The following SPDYA variants were observed in gnomAD, a reference collection of about 807,000 sequenced individuals.
The protein encoded by SPDYA is speedy/RINGO cell cycle regulator family member A, also known as speedy protein A.
SPDYA carries 11 observed loss-of-function variants against 36.7 expected under a neutral mutation model. The observed-to-expected ratio is 0.30, with a 90% CI of 0.19 to 0.50. The LOEUF (loss-of-function observed/expected upper bound fraction) is 0.50. Among genes scored for constraint, SPDYA ranks in the 20% least tolerant of loss-of-function variants. SPDYA has a pLI of 0.98. For synonymous variants in SPDYA, 115 were observed against 118.7 expected (o/e 0.97, Z 0.20); for missense variants, 287 against 370.9 (o/e 0.77, Z 1.86).
At chr2:28,821,466 G>T (rs956181956) in intron 4 of SPDYA, among the ~76,000 whole-genome samples, 2 of 152,092 alleles carry the variant, frequency 1.3e-5, no homozygotes, top group Non-Finnish European at 2.9e-5. Flanking sequence ...CTCCCAAAGT[G>T]CTGGGATTAC....
intron 1 of SPDYA, among the ~76,000 whole-genome samples, chr2:28,813,553 A>AT (rs780151995): frequency 0.025 from 3,558 of 141,602 alleles, 57 homozygotes; most frequent in African/African-American, 0.033. Flanking sequence ...TTCTATCTAG[A>AT]TTTTTTTTTT....
chr2:28,816,358 TA>T, intron 3 of SPDYA, 109 bp downstream of exon 3: 1 of 883,354 alleles, frequency 1.1e-6, no homozygotes, highest in Non-Finnish European at 1.6e-6. Flanking sequence ...ATTTTTGTAT[TA>T]AATTTCCCAT....
intron 3 of SPDYA, among the ~76,000 whole-genome samples, chr2:28,818,375 C>T (rs1054990500): frequency 6.7e-6 from 1 of 148,604 alleles, no homozygotes; most frequent in African/African-American, 2.5e-5. Context: ...AGTCTGAAGC[C>T]AGAGGATCAC....
intron 1 of SPDYA, among the ~76,000 whole-genome samples, chr2:28,813,008 A>G (rs1667891578): frequency 6.6e-6 from 1 of 152,142 alleles, no homozygotes; most frequent in East Asian, 1.9e-4. Flanking sequence ...CTCTATAAGA[A>G]CTCTCATTCT....
rs527783003 is a variant in SPDYA at position 28,813,985 on chromosome 2, A to G, written c.-92-628A>G. 1.1e-4 allele frequency among the ~76,000 whole-genome samples: 16 copies of G among 152,092 alleles called. No individual in the cohort carries two copies. The East Asian group carries it at 2.3e-3, about 22-fold the overall frequency. ...AGTCTCAAGGCTCAATTTATCACCTACTCCTCTTTCTATGGAGTTTATAAC... is the reference window on the plus strand; with the variant it reads ...AGTCTCAAGGCTCAATTTATCACCTGCTCCTCTTTCTATGGAGTTTATAAC... On this transcript the variant is annotated intron_variant, in intron 1 of 7. Coordinates refer to ENST00000334056, the MANE Select transcript of SPDYA (RefSeq NM_182756.4).
At chr2:28,813,507 A>C (rs1667903924) in intron 1 of SPDYA, among the ~76,000 whole-genome samples, 1 of 151,682 alleles carries the variant, frequency 6.6e-6, no homozygotes, top group African/African-American at 2.4e-5. Context: ...ATAACTCCAT[A>C]CTAGAATTTG....
At chr2:28,836,232 C>T (rs533677452) in intron 6 of SPDYA, among the ~76,000 whole-genome samples, 1 of 152,340 alleles carries the variant, frequency 6.6e-6, no homozygotes, top group East Asian at 1.9e-4. Flanking sequence ...AGTTGCAGAG[C>T]CAGAACATCT....
chr2:28,840,555 A>T, intron 7 of SPDYA, 86 bp downstream of exon 7: 1 of 1,508,100 alleles, frequency 6.6e-7, no homozygotes, highest in African/African-American at 1.4e-5. Flanking sequence ...GATACATAAT[A>T]ATTTATATAC....
intron 7 of SPDYA, 97 bp downstream of exon 7, chr2:28,840,566 T>C: frequency 1.4e-6 from 2 of 1,480,422 alleles, no homozygotes; most frequent in Non-Finnish European, 1.8e-6. Flanking sequence ...ATTTATATAC[T>C]CCAACAATAT....
intron 4 of SPDYA, among the ~76,000 whole-genome samples, chr2:28,821,791 T>C (rs1278347071): frequency 6.6e-6 from 1 of 152,228 alleles, no homozygotes; most frequent in Non-Finnish European, 1.5e-5. Flanking sequence ...TTTCTAATAA[T>C]ACATTTAAAA....
chr2:28,840,311 G>A lies in SPDYA; in HGVS notation c.692G>A (p.Cys231Tyr). The A allele has an allele frequency of 6.2e-7, 1 of 1,611,778 alleles. No individual in the cohort carries two copies. Among genetic ancestry groups the A allele is most frequent in the East Asian group, 2.2e-5 (1 of 44,856 alleles). Residue 231 changes from cysteine to tyrosine, a missense_variant, in exon 7 of 8, where the codon TGT (cysteine) becomes TAT (tyrosine). Coordinates refer to ENST00000334056, the MANE Select transcript of SPDYA (RefSeq NM_182756.4). ...PSATPVDCSL[C>Y]GKKRRYVRLG... Reference sequence around the variant, plus strand: ...GCCACACCAGTAGATTGTTCACTCTGTGGTAAAAAAAGAAGATATGTTAGA... The same window carrying A: ...GCCACACCAGTAGATTGTTCACTCTATGGTAAAAAAAGAAGATATGTTAGA...
At chr2:28,848,075 C>T (rs1452892964) in intron 7 of SPDYA, among the ~76,000 whole-genome samples, 1 of 152,124 alleles carries the variant, frequency 6.6e-6, no homozygotes, top group Non-Finnish European at 1.5e-5. Flanking sequence ...ATGCATTTAA[C>T]AGAATGTACT....
chr2:28,843,042 T>C (rs892734826), intron 7 of SPDYA, among the ~76,000 whole-genome samples: 2 of 152,222 alleles, frequency 1.3e-5, no homozygotes, highest in Non-Finnish European at 2.9e-5. Context: ...ATGCGAAACT[T>C]AGCATAGATG....
intron 1 of SPDYA, among the ~76,000 whole-genome samples, chr2:28,813,615 G>C (rs1337346394): frequency 6.6e-6 from 1 of 150,560 alleles, no homozygotes; most frequent in African/African-American, 2.4e-5. Flanking sequence ...GCAGTGGCAT[G>C]ATCTCGGCTC....
At position 28,811,858 on chromosome 2, in the gene SPDYA, A is replaced by G. The variant is rs2148071823; in HGVS notation, c.-93+911A>G. Among the ~76,000 whole-genome samples, 1 of 152,058 alleles carries G rather than the reference A, an allele frequency of 6.6e-6. No individual in the cohort carries two copies. The highest frequency in any genetic ancestry group is 1.9e-4 in the East Asian group (1 of 5,186). On this transcript the variant is annotated intron_variant, in intron 1 of 7. Transcript: ENST00000334056. This position sits in a 1 kb window ranked among gnomAD's most constrained non-coding sequence, Gnocchi z 4.2. ...GTAATCCCAGCTCCTCGGGAGGCTGAGGCGGGAGAATCGCTTGAACCCGGG... is the reference window on the plus strand; with the variant it reads ...GTAATCCCAGCTCCTCGGGAGGCTGGGGCGGGAGAATCGCTTGAACCCGGG...
rs1667977953 is a variant in SPDYA, at chr2:28,816,113, T to C, written c.99T>C (p.Thr33=). Residue 33 remains threonine (T), a synonymous_variant, in exon 3 of 8, where the codon ACT becomes ACC. Coordinates refer to ENST00000334056, the MANE Select transcript of SPDYA (RefSeq NM_182756.4). Reference sequence around the variant, plus strand: ...CACATCAGCCTAAAAAGCCCATTACTCTGAAGCGTCCTATTTGTAAAGATA... The same window carrying C: ...CACATCAGCCTAAAAAGCCCATTACCCTGAAGCGTCCTATTTGTAAAGATA... ...NRSHQPKKPI[T]LKRPICKDNW... is the part of the protein sequence containing the mutation. The C allele has an allele frequency of 1.9e-6, 3 of 1,614,056 alleles. No homozygotes were observed. Among genetic ancestry groups the C allele is most frequent in the Non-Finnish European group, 2.5e-6 (3 of 1,179,990 alleles).
chr2:28,844,187 ATAAGGGCTGTGC>A (rs1668817504), intron 7 of SPDYA, among the ~76,000 whole-genome samples: 1 of 152,244 alleles, frequency 6.6e-6, no homozygotes, highest in Non-Finnish European at 1.5e-5. Flanking sequence ...TAATAATGTG[ATAAGGGCTGTGC>A]TAAGTATATG....
At chr2:28,814,185 A>C (rs1667926351) in intron 1 of SPDYA, among the ~76,000 whole-genome samples, 1 of 152,226 alleles carries the variant, frequency 6.6e-6, no homozygotes, top group Admixed American at 6.5e-5. Flanking sequence ...AAACACTTGA[A>C]ACTGAATAAT....
Position 28,850,483 on chromosome 2 carries a change from T to C in SPDYA, c.*542T>C. On this transcript the variant is annotated 3_prime_UTR_variant, in exon 8 of 8. Coordinates refer to ENST00000334056, the MANE Select transcript of SPDYA (RefSeq NM_182756.4). The stretch of plus-strand genomic sequence containing the variant: ...TTTCACAAAACTGTTAAAATATGAG[T>C]TACTCTCTTTATTGTAAGTTTTTTC... 1.1e-6 allele frequency: 1 copy of C among 938,716 alleles called. No homozygotes were observed. The highest frequency in any genetic ancestry group is 1.6e-6 in the Non-Finnish European group (1 of 619,990). The allele number at this position is 938,716 out of a possible 1,614,324, so 58.1% of individuals were successfully genotyped here.
Sources: gnomAD v4.1 joint callset for allele counts (sites outside exome capture counted in the v4.1 genomes callset) on GRCh38, gnomAD v4.1.1 for gene constraint, Gnocchi (gnomAD v3.1) non-coding constraint, MANE v1.5 for transcripts, NCBI Gene and HGNC (gene_info 2026-07-23, HGNC 2026-07-21) for gene names.